Variants in FNDC3B observed in about 807,000 individuals in gnomAD.
The protein encoded by FNDC3B is fibronectin type III domain-containing protein 3B.
Under a neutral mutation model 151.5 loss-of-function variants are expected in FNDC3B, and 12 were observed. The ratio of observed to expected loss-of-function variants is 0.08; its 90% confidence interval spans 0.05 to 0.13. The LOEUF is 0.13. Ranked by LOEUF, FNDC3B falls within the 10% of genes least tolerant of loss-of-function variation. The pLI is 1.00. For synonymous variants in FNDC3B, 528 were observed against 549.0 expected (o/e 0.96, Z 0.54); for missense variants, 1,214 against 1,505.3 (o/e 0.81, Z 3.20).
At position 172,206,608 on chromosome 3, in the gene FNDC3B, G is replaced by A. The variant is rs1187147969; in HGVS notation, c.188-20263G>A. On this transcript the variant is annotated intron_variant, in intron 3 of 25. Coordinates refer to ENST00000415807, the MANE Select transcript of FNDC3B (RefSeq NM_022763.4). ...CAGAAGGCGGATGTTGCAAGGAGCC[G>A]AGACTGCACCATTGCATTCCAGCCT... Among the ~76,000 whole-genome samples, 7 of 132,300 alleles carry A rather than the reference G, an allele frequency of 5.3e-5. No homozygotes were observed. In the East Asian group the frequency reaches 1.5e-3, roughly 28 times the overall value. The allele number at this position is 132,300 out of a possible 152,430, so 86.8% of individuals were successfully genotyped here.
chr3:172,057,033 C>T (rs1328804916), intron 1 of FNDC3B, among the ~76,000 whole-genome samples: 3 of 152,192 alleles, frequency 2.0e-5, no homozygotes, highest in Non-Finnish European at 4.4e-5. Flanking sequence ...CAATATTTTT[C>T]TTCCTTTCTG....
At chr3:172,203,436 G>A (rs367561051) in intron 3 of FNDC3B, among the ~76,000 whole-genome samples, 135 of 152,274 alleles carry the variant, frequency 8.9e-4, no homozygotes, top group Middle Eastern at 3.4e-3. Context: ...TTGAGGATTT[G>A]GTGAAATTTT....
intron 22 of FNDC3B, among the ~76,000 whole-genome samples, chr3:172,359,538 G>A (rs1433040664): frequency 6.6e-6 from 1 of 152,150 alleles, no homozygotes. Flanking sequence ...TTACACTGTT[G>A]AAGAAAGACT....
intron 17 of FNDC3B, among the ~76,000 whole-genome samples, chr3:172,342,555 G>A (rs185959424): frequency 1.4e-4 from 21 of 152,338 alleles, no homozygotes; most frequent in Admixed American, 1.2e-3. Context: ...GTACCTGCTG[G>A]TTGATGTCAG....
At chr3:172,376,806 A>G (rs191316613) in intron 23 of FNDC3B, among the ~76,000 whole-genome samples, 18 of 151,988 alleles carry the variant, frequency 1.2e-4, no homozygotes, top group East Asian at 7.7e-4. Context: ...ATGAATACAC[A>G]CGTGGATATT....
intron 21 of FNDC3B, among the ~76,000 whole-genome samples, chr3:172,349,164 G>A (rs970686440): frequency 2.0e-5 from 3 of 152,012 alleles, no homozygotes; most frequent in Admixed American, 6.6e-5. Context: ...GGCATCTGTA[G>A]TCCCAGCTGC....
intron 5 of FNDC3B, among the ~76,000 whole-genome samples, chr3:172,249,497 A>G (rs1440949047): frequency 6.6e-6 from 1 of 152,204 alleles, no homozygotes; most frequent in Non-Finnish European, 1.5e-5. Context: ...CCTTCCCTTT[A>G]TAAATAAGCC....
chr3:172,249,931 A>G (rs1432538562), intron 5 of FNDC3B, among the ~76,000 whole-genome samples: 2 of 152,168 alleles, frequency 1.3e-5, no homozygotes, highest in Non-Finnish European at 2.9e-5. Context: ...TGTGCCTGTG[A>G]CAGTCCTAGT....
At position 172,399,133 on chromosome 3, in the gene FNDC3B, A is replaced by G. The variant is rs1736437114; in HGVS notation, c.*1658A>G. On this transcript the variant is annotated 3_prime_UTR_variant, in exon 26 of 26. Coordinates refer to ENST00000415807, the MANE Select transcript of FNDC3B (RefSeq NM_022763.4). ...ATACCAAAGTCATGGGGAAACAAAC[A>G]TTATTTTGTTTTTGGTTTATTTATA... 1 of 152,642 alleles carries G rather than the reference A, an allele frequency of 6.6e-6. No individual in the cohort carries two copies. Among genetic ancestry groups the G allele is most frequent in the African/African-American group, 2.4e-5 (1 of 41,456 alleles). 9.5% of individuals were successfully genotyped at this position (152,642 alleles called of 1,614,324 possible). A position where few individuals can be genotyped will look rare whatever the true frequency, so the allele number is the denominator to read the frequency against.
intron 2 of FNDC3B, among the ~76,000 whole-genome samples, chr3:172,128,494 G>GGT (rs1209411807): frequency 3.3e-4 from 50 of 152,246 alleles, no homozygotes; most frequent in African/African-American, 1.2e-3. Flanking sequence ...GGGTCTCAAA[G>GGT]GTGTGTGTGG....
intron 3 of FNDC3B, among the ~76,000 whole-genome samples, chr3:172,188,764 A>G (rs1692257392): frequency 6.6e-6 from 1 of 152,100 alleles, no homozygotes; most frequent in Non-Finnish European, 1.5e-5. Flanking sequence ...CTGAGCACAC[A>G]CCCTGCACAT....
At chr3:172,218,613 A>G (rs568922433) in intron 3 of FNDC3B, among the ~76,000 whole-genome samples, 5 of 152,314 alleles carry the variant, frequency 3.3e-5, no homozygotes, top group South Asian at 2.1e-4. Flanking sequence ...GCACAGTGCT[A>G]GGTACTTTAT....
intron 1 of FNDC3B, among the ~76,000 whole-genome samples, chr3:172,049,428 A>C (rs1307379987): frequency 2.0e-5 from 3 of 152,252 alleles, no homozygotes; most frequent in Non-Finnish European, 2.9e-5. Context: ...ATGTAAGCAC[A>C]TGAAGATAAT....
At chr3:172,344,366 AAC>A in intron 19 of FNDC3B, 108 bp downstream of exon 19, 1 of 872,212 alleles carries the variant, frequency 1.1e-6, no homozygotes, top group Non-Finnish European at 1.8e-6. Context: ...GTCTTGATGC[AAC>A]CTTGACAACC....
chr3:172,230,402 G>T (rs1303205877), intron 4 of FNDC3B, among the ~76,000 whole-genome samples: 1 of 151,856 alleles, frequency 6.6e-6, no homozygotes, highest in Admixed American at 6.6e-5. Context: ...TACTCAGGAG[G>T]CTGAGGCAGG....
intron 9 of FNDC3B, 36 bp downstream of exon 9, chr3:172,298,823 A>C: frequency 6.7e-7 from 1 of 1,501,790 alleles, no homozygotes; most frequent in Non-Finnish European, 9.0e-7. Context: ...TGTATTGGAG[A>C]ATCCAGGTGG....
At chr3:172,306,242 G>A (rs1257763623) in intron 9 of FNDC3B, among the ~76,000 whole-genome samples, 1 of 152,194 alleles carries the variant, frequency 6.6e-6, no homozygotes, top group African/African-American at 2.4e-5. Flanking sequence ...GGATTGTGGT[G>A]TTTAGAGGAA....
At chr3:172,324,325 C>G (rs925392760) in intron 11 of FNDC3B, among the ~76,000 whole-genome samples, 1 of 152,206 alleles carries the variant, frequency 6.6e-6, no homozygotes, top group Non-Finnish European at 1.5e-5. Flanking sequence ...AAAACACCCT[C>G]GTCCCTGGTT....
At chr3:172,076,112 C>A (rs1469729150) in intron 1 of FNDC3B, among the ~76,000 whole-genome samples, 1 of 152,130 alleles carries the variant, frequency 6.6e-6, no homozygotes, top group Non-Finnish European at 1.5e-5. Flanking sequence ...TCGGTTGTTC[C>A]TGGATACTTA....
Sources: gnomAD v4.1 joint callset for allele counts (sites outside exome capture counted in the v4.1 genomes callset) on GRCh38, gnomAD v4.1.1 for gene constraint, MANE v1.5 for transcripts, NCBI Gene and HGNC (gene_info 2026-07-23, HGNC 2026-07-21) for gene names.